The following PLEKHG2 variants were observed in gnomAD, a reference collection of about 807,000 sequenced individuals.
PLEKHG2 encodes the protein pleckstrin homology and RhoGEF domain containing G2.
PLEKHG2 carries 71 observed loss-of-function variants against 104.4 expected under a neutral mutation model. The observed-to-expected ratio is 0.68, with a 90% CI of 0.56 to 0.83. The LOEUF is 0.83. Among genes scored for constraint, PLEKHG2 ranks in the 40% least tolerant of loss-of-function variants. PLEKHG2 has a pLI of 0.00. For missense variants in PLEKHG2, 1,730 were observed against 1,809.4 expected, an observed-to-expected ratio of 0.96 and a Z score of 0.80; for synonymous variants, 728 against 737.0, an observed-to-expected ratio of 0.99 and a Z score of 0.20.
At position 39,414,114 on chromosome 19, in the gene PLEKHG2, C is replaced by A; in HGVS notation, c.28C>A (p.Leu10Ile). MPEGAQGLS[L>I]SKPSPSLGCG... is the part of the protein sequence containing the mutation. ...GCCTGAGGGAGCCCAAGGACTGAGC[C>A]TCTCCAAACCTAGCCCAAGCCTCGG... Residue 10 changes from leucine to isoleucine, a missense_variant, in exon 2 of 19, where the codon CTC becomes ATC. By Grantham distance (5) the Leu-to-Ile change is conservative. Coordinates refer to ENST00000425673, the MANE Select transcript of PLEKHG2 (RefSeq NM_022835.3). 1 of 1,551,520 alleles carries A rather than the reference C, an allele frequency of 6.4e-7. No individual in the cohort carries two copies. The highest frequency in any genetic ancestry group is 8.7e-7 in the Non-Finnish European group (1 of 1,146,906).
Position 39,416,323 on chromosome 19 carries a change from C to T in PLEKHG2, c.480-25C>T, listed in dbSNP as rs777858063. On this transcript the variant is annotated intron_variant, in intron 4 of 18. Transcript: ENST00000425673. The surrounding 1 kb of genome is among the most constrained non-coding windows in gnomAD (Gnocchi z 4.5). Reference sequence around the variant, plus strand: ...GGAGGGGTCGTGAAGGCAGGCGGTTCCTCACCCTCCCCTCTCCCCTGTAGC... The same window carrying T: ...GGAGGGGTCGTGAAGGCAGGCGGTTTCTCACCCTCCCCTCTCCCCTGTAGC... The T allele has an allele frequency of 2.7e-5, 43 of 1,611,352 alleles. No individual in the cohort carries two copies. In the Admixed American group the frequency reaches 5.7e-4, roughly 21 times the overall value.
rs31726 is a variant in PLEKHG2, at chr19:39,424,108, G to A, written c.2975G>A (p.Arg992Lys). 769,502 of 1,613,734 alleles carry A rather than the reference G, an allele frequency of 0.48. 186,063 individuals carry two copies. The highest frequency in any genetic ancestry group is 0.65 in the African/African-American group (48,777 of 74,890). ...GCCACCACTCCTTTGCCTGAGCATA[G>A]AAGTCACATGGTTATACCAGCTCCA... is the stretch of plus-strand genomic sequence containing the variant. ...VPATTPLPEH[R>K]SHMVIPAPST... Residue 992 changes from arginine to lysine, a missense_variant, in exon 19 of 19, where the codon AGA becomes AAA. Transcript: ENST00000425673.
In PLEKHG2 at chr19:39,423,494, G is replaced by T. The variant is rs2078732877; in HGVS notation, c.2440G>T (p.Ala814Ser). ...KAGAPSSERT[A>S]SRVRELARLY... ...AGGAGCCCCGAGTTCAGAAAGGACG[G>T]CGTCCCGAGTGCGAGAGCTGGCCCG... The change falls in exon 18 of 19, where the codon GCG becomes TCG. Residue 814 changes from alanine to serine, a missense_variant. Ala to Ser is a moderately conservative substitution (Grantham distance 99, BLOSUM62 1). Transcript: ENST00000425673. The T allele has an allele frequency of 6.3e-7, 1 of 1,588,728 alleles. No homozygotes were observed. The highest frequency in any genetic ancestry group is 1.7e-5 in the Admixed American group (1 of 57,174).
Position 39,424,644 on chromosome 19 carries a change from G to C in PLEKHG2, c.3511G>C (p.Asp1171His). 6.2e-7 allele frequency: 1 copy of C among 1,614,156 alleles called. No individual in the cohort carries two copies. Among genetic ancestry groups the C allele is most frequent in the South Asian group, 1.1e-5 (1 of 91,090 alleles). ...PTSPKQGSLP[D>H]IQGPAAAPPL... is the part of the protein sequence containing the mutation. ...TTCACCCAAGCAGGGAAGCCTCCCA[G>C]ACATCCAGGGTCCAGCGGCTGCACC... The change falls in exon 19 of 19, where the codon GAC (aspartate) becomes CAC (histidine). Residue 1171 changes from aspartate (D) to histidine (H), a missense_variant. Physicochemically the swap from Asp to His is moderately conservative, Grantham distance 81. Transcript: ENST00000425673.
At position 39,416,989 on chromosome 19, in the gene PLEKHG2, C is replaced by G; in HGVS notation, c.733C>G (p.Leu245Val). The G allele has an allele frequency of 6.2e-7, 1 of 1,606,358 alleles. No homozygotes were observed. The highest frequency in any genetic ancestry group is 8.5e-7 in the Non-Finnish European group (1 of 1,174,942). ...TGTCCAGCGCATTCTCAAGTACCAT[C>G]TGCTGCTGCAGGTCAGCTGGGGCCC... Reference protein sequence around the residue: ...KPVQRILKYHLLLQELGKHWA... With the variant: ...KPVQRILKYHVLLQELGKHWA... The change falls in exon 7 of 19, where the codon CTG becomes GTG. Residue 245 changes from leucine (L) to valine (V), a missense_variant. Physicochemically the swap from Leu to Val is conservative, Grantham distance 32. Coordinates refer to ENST00000425673, the MANE Select transcript of PLEKHG2 (RefSeq NM_022835.3). This position sits in a 1 kb window ranked among gnomAD's most constrained non-coding sequence, Gnocchi z 4.5.
chr19:39,417,489 T>G, intron 7 of PLEKHG2, 66 bp from the exon 8 acceptor site: 1 of 1,573,818 alleles, frequency 6.4e-7, no homozygotes, highest in Non-Finnish European at 8.6e-7. Context: ...TCTCCTGTTA[T>G]TCTCATTCTC....
At chr19:39,414,896 A>C (rs2078575716) in intron 2 of PLEKHG2, 96 bp from the exon 3 acceptor site, 2 of 1,374,440 alleles carry the variant, frequency 1.5e-6, no homozygotes, top group Admixed American at 5.5e-5. Flanking sequence ...AAGCTGTTGG[A>C]CAGGTGTGGG....
intron 9 of PLEKHG2, 63 bp from the exon 10 acceptor site, chr19:39,418,671 C>T (rs759641824): frequency 3.7e-6 from 5 of 1,350,598 alleles, no homozygotes; most frequent in East Asian, 2.3e-5. Flanking sequence ...AAGGGTGTCT[C>T]CGTACAAGGG....
At position 39,423,860 on chromosome 19, in the gene PLEKHG2, A is replaced by G. The variant is rs1395185046; in HGVS notation, c.2727A>G (p.Gly909=). The change falls in exon 19 of 19, where the codon GGA becomes GGG. Residue 909 remains glycine, a synonymous_variant. Transcript: ENST00000425673. ...CTGCCATACCTTTGTCAAAGCAGGGAGGCAGCCCGGATGGCCAGGGTCTAC... is the reference window on the plus strand; with the variant it reads ...CTGCCATACCTTTGTCAAAGCAGGGGGGCAGCCCGGATGGCCAGGGTCTAC... ...VQAAIPLSKQ[G]GSPDGQGLHV... is the part of the protein sequence containing the mutation. 6.2e-7 allele frequency: 1 copy of G among 1,614,066 alleles called. No homozygotes were observed. Among genetic ancestry groups the G allele is most frequent in the Non-Finnish European group, 8.5e-7 (1 of 1,180,038 alleles).
In PLEKHG2 at chr19:39,421,723, A is replaced by G. The variant is rs2078701176; in HGVS notation, c.1504-392A>G. Reference sequence around the variant, plus strand: ...TAAAAATTTTAAGAGAAAAATAAAAAAATTTAAAAATTGAGCCAGGTACGG... The same window carrying G: ...TAAAAATTTTAAGAGAAAAATAAAAGAATTTAAAAATTGAGCCAGGTACGG... On this transcript the variant is annotated intron_variant, in intron 16 of 18. Coordinates refer to ENST00000425673, the MANE Select transcript of PLEKHG2 (RefSeq NM_022835.3). The G allele has an allele frequency of 1.9e-5, 4 of 207,404 alleles. No homozygotes were observed. In the Admixed American group the frequency reaches 2.1e-4, roughly 11 times the overall value. The allele number at this position is 207,404 out of a possible 1,614,324, so 12.8% of individuals were successfully genotyped here.
Position 39,417,991 on chromosome 19 carries a change from C to T in PLEKHG2, c.969C>T (p.Gly323=), listed in dbSNP as rs201527226. The part of the protein sequence containing the change: ...ELVLEGAFRG[G]GGGGPRLRGG... ...TGTTGGAGGGCGCGTTCCGAGGAGG[C>T]GGAGGGGGTGGCCCCCGGCTACGAG... is the stretch of plus-strand genomic sequence containing the variant. The change falls in exon 9 of 19, where the codon GGC becomes GGT. Residue 323 remains glycine, a synonymous_variant. Coordinates refer to ENST00000425673, the MANE Select transcript of PLEKHG2 (RefSeq NM_022835.3). 96 of 1,552,798 alleles carry T rather than the reference C, an allele frequency of 6.2e-5. No individual in the cohort carries two copies. Among genetic ancestry groups the T allele is most frequent in the Middle Eastern group, 1.7e-4 (1 of 5,820 alleles).
Position 39,420,773 on chromosome 19 carries a change from C to T in PLEKHG2, c.1320C>T (p.Val440=), listed in dbSNP as rs1362765580. The T allele has an allele frequency of 1.2e-5, 19 of 1,614,070 alleles. No individual in the cohort carries two copies. The highest frequency in any genetic ancestry group is 1.5e-5 in the Non-Finnish European group (18 of 1,180,040). ...SLHCAPKSKP[V]LEPLTPPLGS... The stretch of plus-strand genomic sequence containing the variant: ...CAGGTGCCCCCAAAAGTAAGCCTGT[C>T]CTAGAGCCCCTGACACCCCCACTTG... The change falls in exon 13 of 19, where the codon GTC becomes GTT. Residue 440 remains valine, a synonymous_variant. Coordinates refer to ENST00000425673, the MANE Select transcript of PLEKHG2 (RefSeq NM_022835.3).
At position 39,423,892 on chromosome 19, in the gene PLEKHG2, C is replaced by A. The variant is rs553818756; in HGVS notation, c.2759C>A (p.Ser920Tyr). 8 of 1,614,202 alleles carry A rather than the reference C, an allele frequency of 5.0e-6. No individual in the cohort carries two copies. The East Asian group carries it at 1.6e-4, about 31-fold the overall frequency. The change falls in exon 19 of 19, where the codon TCC becomes TAC. Residue 920 changes from serine (S) to tyrosine (Y), a missense_variant. Physicochemically the swap from Ser to Tyr is moderately radical, Grantham distance 144 (BLOSUM62 -2). Coordinates refer to ENST00000425673, the MANE Select transcript of PLEKHG2 (RefSeq NM_022835.3). ...CCGGATGGCCAGGGTCTACATGTTT[C>A]CAATTTGCCTAAGCAAGACCTTCCG... ...GSPDGQGLHVSNLPKQDLPGI... is the reference protein window; with the variant it reads ...GSPDGQGLHVYNLPKQDLPGI...
rs1195927267 is a variant in PLEKHG2 at position 39,412,931 on chromosome 19, C to G, written c.-504C>G. 1 of 152,200 alleles carries G rather than the reference C, an allele frequency of 6.6e-6. No individual in the cohort carries two copies. Among genetic ancestry groups the G allele is most frequent in the Non-Finnish European group, 1.5e-5 (1 of 68,032 alleles). 9.4% of individuals were successfully genotyped at this position (152,200 alleles called of 1,614,324 possible). ...ATCCCCGTTTCAAGAACTCAGGATC[C>G]AGGACCGCAGACTCCCTCCAGGGCT... On this transcript the variant is annotated 5_prime_UTR_variant, in exon 1 of 19. Coordinates refer to ENST00000425673, the MANE Select transcript of PLEKHG2 (RefSeq NM_022835.3).
chr19:39,414,464 G>C (rs1240641237), intron 2 of PLEKHG2, among the ~76,000 whole-genome samples: 1 of 152,226 alleles, frequency 6.6e-6, no homozygotes, highest in Admixed American at 6.5e-5. Context: ...TGGAAGATTA[G>C]GGGGAAGGAG....
chr19:39,421,133 C>T lies in PLEKHG2; in HGVS notation c.1486+20C>T, dbSNP rs746262520. The stretch of plus-strand genomic sequence containing the variant: ...AGAACGGTCAGTGACTGCCCCGGTT[C>T]AGCCTGGTCCATCCCTGTCTGTCGC... On this transcript the variant is annotated intron_variant, in intron 15 of 18. Coordinates refer to ENST00000425673, the MANE Select transcript of PLEKHG2 (RefSeq NM_022835.3). The T allele has an allele frequency of 1.2e-6, 2 of 1,613,982 alleles. No homozygotes were observed. Among genetic ancestry groups the T allele is most frequent in the Non-Finnish European group, 1.7e-6 (2 of 1,179,978 alleles).
rs374685917 is a variant in PLEKHG2, at chr19:39,424,724, G to A, written c.3591G>A (p.Ser1197=). Residue 1197 remains serine (S), a synonymous_variant, in exon 19 of 19, where the codon TCG becomes TCA. Coordinates refer to ENST00000425673, the MANE Select transcript of PLEKHG2 (RefSeq NM_022835.3). The part of the protein sequence containing the change: ...TDTQVQKLTP[S]LEQKSLIDAH... ...CACAGGTCCAAAAACTCACACCTTC[G>A]TTGGAGCAGAAGAGCCTCATAGATG... 15 of 1,614,048 alleles carry A rather than the reference G, an allele frequency of 9.3e-6. No individual in the cohort carries two copies. Among genetic ancestry groups the A allele is most frequent in the Admixed American group, 1.7e-5 (1 of 59,994 alleles).
chr19:39,417,943 G>T lies in PLEKHG2; in HGVS notation c.921G>T (p.Glu307Asp). Residue 307 changes from glutamate (E) to aspartate (D), a missense_variant, in exon 9 of 19, where the codon GAG (glutamate) becomes GAT (aspartate). Glu to Asp is a conservative substitution (Grantham distance 45, BLOSUM62 2). Coordinates refer to ENST00000425673, the MANE Select transcript of PLEKHG2 (RefSeq NM_022835.3). ...GGCTGGGTGGCTGGACCGGACCAGA[G>T]CTCAGTGCTTTTGGGGAACTGGTGT... is the stretch of plus-strand genomic sequence containing the variant. ...QRRLGGWTGPELSAFGELVLE... is the reference protein window; with the variant it reads ...QRRLGGWTGPDLSAFGELVLE... 1 of 1,543,822 alleles carries T rather than the reference G, an allele frequency of 6.5e-7. No individual in the cohort carries two copies.
At position 39,421,002 on chromosome 19, in the gene PLEKHG2, C is replaced by T. The variant is rs1204905882; in HGVS notation, c.1447+6C>T. On this transcript the variant is annotated splice_donor_region_variant and intron_variant, in intron 14 of 18. Transcript: ENST00000425673. Reference sequence around the variant, plus strand: ...CCGAGGCCGCAGGCAGTCTGGTGAGCACTCACCCCTAAGGGTGATCCAGGC... The same window carrying T: ...CCGAGGCCGCAGGCAGTCTGGTGAGTACTCACCCCTAAGGGTGATCCAGGC... The T allele has an allele frequency of 1.2e-6, 2 of 1,614,060 alleles. No individual in the cohort carries two copies. Among genetic ancestry groups the T allele is most frequent in the Middle Eastern group, 1.7e-4 (1 of 6,044 alleles).
Sources: allele counts gnomAD v4.1 joint callset (sites outside exome capture counted in the v4.1 genomes callset), GRCh38; gene constraint gnomAD v4.1.1; non-coding constraint Gnocchi (gnomAD v3.1); transcripts MANE v1.5; gene names NCBI Gene and HGNC (gene_info 2026-07-23, HGNC 2026-07-21).